The following HECTD4 variants were observed in gnomAD, a reference collection of about 807,000 sequenced individuals.
HECTD4 encodes the protein probable E3 ubiquitin-protein ligase HECTD4.
A neutral mutation model predicts 471.5 loss-of-function variants in HECTD4; 114 were observed. The ratio of observed to expected loss-of-function variants is 0.24; its 90% CI spans 0.21 to 0.28. HECTD4 has a LOEUF of 0.28. Ranked by LOEUF, HECTD4 falls within the 10% of genes least tolerant of loss-of-function variation. The pLI, the probability that HECTD4 is intolerant of heterozygous loss-of-function variation, is 1.00. For synonymous variants in HECTD4, 2,012 were observed against 2,256.0 expected (o/e 0.89, Z 3.07); for missense variants, 3,866 against 5,651.5 (o/e 0.68, Z 10.13).
rs1566067527 is a variant in HECTD4 at position 112,193,297 on chromosome 12, C to A, written c.8956-106G>T. 6.9e-7 allele frequency: 1 copy of A among 1,443,110 alleles called. No individual in the cohort carries two copies. The highest frequency in any genetic ancestry group is 9.5e-7 in the Non-Finnish European group (1 of 1,058,108). 89.4% of individuals were successfully genotyped at this position (1,443,110 alleles called of 1,614,324 possible). A position where few individuals can be genotyped will look rare whatever the true frequency, so the allele number is the denominator to read the frequency against. The stretch of plus-strand genomic sequence containing the variant: ...GAAATCAGCCAAACGACTAAATAGC[C>A]CTCTGGAAGGAAGCAAGCTACAGAT... On this transcript the variant is annotated intron_variant, in intron 57 of 75. Coordinates refer to ENST00000682272, the MANE Select transcript of HECTD4 (RefSeq NM_001388303.1). The surrounding 1 kb of genome is among the most constrained non-coding windows in gnomAD (Gnocchi z 5.2).
chr12:112,313,094 T>C lies in HECTD4; in HGVS notation c.839A>G (p.Lys280Arg), dbSNP rs762957801. 2 of 1,535,712 alleles carry C rather than the reference T, an allele frequency of 1.3e-6. No individual in the cohort carries two copies. Among genetic ancestry groups the C allele is most frequent in the South Asian group, 1.2e-5 (1 of 84,030 alleles). ...TTCATAACCCCATGATACTATGTGT[T>C]TGCCCCCAAGCAAACAGGAGGGAGA... ...PGSPSCLLGG[K>R]HIVSWGYEDM... Residue 280 changes from lysine to arginine, a missense_variant, in exon 4 of 76, where the codon AAA (lysine) becomes AGA (arginine). By Grantham distance (26) the Lys-to-Arg change is conservative. Around this residue, in one of 16 missense-constraint regions of HECTD4, gnomAD observed 440 missense variants for 636.0 expected, o/e 0.69. Transcript: ENST00000682272.
In HECTD4 at chr12:112,185,248, C is replaced by T. The variant is rs549597278; in HGVS notation, c.9718G>A (p.Gly3240Arg). The change falls in exon 61 of 76, where the codon GGG becomes AGG. Residue 3240 changes from glycine (G) to arginine (R), a missense_variant. By Grantham distance (125) the Gly-to-Arg change is moderately radical. Around this residue, in one of 16 missense-constraint regions of HECTD4, gnomAD observed 364 missense variants for 413.2 expected, o/e 0.88. Coordinates refer to ENST00000682272, the MANE Select transcript of HECTD4 (RefSeq NM_001388303.1). ...WVSGGACGGS[G>R]GAAAGDQGRF... ...CCCTGGTCACCGGCCGCCGCCCCCCCGGAGCCCCCGCAGGCGCCGCCTGAG... is the reference window on the plus strand; with the variant it reads ...CCCTGGTCACCGGCCGCCGCCCCCCTGGAGCCCCCGCAGGCGCCGCCTGAG... 4.5e-6 allele frequency: 7 copies of T among 1,550,148 alleles called. No individual in the cohort carries two copies. Among genetic ancestry groups the T allele is most frequent in the South Asian group, 2.4e-5 (2 of 84,022 alleles).
intron 11 of HECTD4, 70 bp from the exon 12 acceptor site, chr12:112,270,529 G>A (rs1938408094): frequency 7.9e-7 from 1 of 1,263,218 alleles, no homozygotes; most frequent in Admixed American, 1.8e-5. Context: ...ATAGACCTTT[G>A]ACTTACAAAA....
intron 43 of HECTD4, among the ~76,000 whole-genome samples, chr12:112,227,557 G>A (rs1358335845): frequency 6.6e-6 from 1 of 152,218 alleles, no homozygotes; most frequent in African/African-American, 2.4e-5. Context: ...ACCAACCCCT[G>A]TGTGCATGTC....
At position 112,239,362 on chromosome 12, in the gene HECTD4, C is replaced by T; in HGVS notation, c.5106-126G>A. The T allele has an allele frequency of 1.5e-6, 1 of 681,152 alleles. No homozygotes were observed. The allele number at this position is 681,152 out of a possible 1,614,324, so 42.2% of individuals were successfully genotyped here. A position where few individuals can be genotyped will look rare whatever the true frequency, so the allele number is the denominator to read the frequency against. On this transcript the variant is annotated intron_variant, in intron 33 of 75. Transcript: ENST00000682272. The surrounding 1 kb of genome is among the most constrained non-coding windows in gnomAD (Gnocchi z 4.9). ...TCTTTCCCTACAACTTAGGATACTG[C>T]CATGTGCAATCAAACACAAAATGAT...
At position 112,235,183 on chromosome 12, in the gene HECTD4, C is replaced by T; in HGVS notation, c.5809G>A (p.Asp1937Asn). 1 of 1,613,990 alleles carries T rather than the reference C, an allele frequency of 6.2e-7. No individual in the cohort carries two copies. Among genetic ancestry groups the T allele is most frequent in the Non-Finnish European group, 8.5e-7 (1 of 1,179,886 alleles). Residue 1937 changes from aspartate (D) to asparagine (N), a missense_variant, in exon 37 of 76, where the codon GAT becomes AAT. By Grantham distance (23) the Asp-to-Asn change is conservative. Around this residue, in one of 16 missense-constraint regions of HECTD4, gnomAD observed 617 missense variants for 915.1 expected, o/e 0.67. Transcript: ENST00000682272. The surrounding 1 kb of genome is among the most constrained non-coding windows in gnomAD (Gnocchi z 5.0). ...KTSPKNSLKG[D>N]KDPGEESEAV... ...TCACTCTCTTCTCCAGGATCTTTAT[C>T]TCCTTTCAAGGAATTCTTGGGACTG...
intron 1 of HECTD4, among the ~76,000 whole-genome samples, chr12:112,371,470 G>C (rs1029435880): frequency 6.6e-6 from 1 of 151,942 alleles, no homozygotes; most frequent in Non-Finnish European, 1.5e-5. Context: ...AGCTACTTGG[G>C]AGGCCGAGGC....
chr12:112,312,616 A>G (rs73207648), intron 4 of HECTD4, among the ~76,000 whole-genome samples: 4,235 of 152,302 alleles, frequency 0.028, 80 homozygotes, highest in Non-Finnish European at 0.045. Context: ...TGCTTTTAGG[A>G]CAGGAGGGCT....
rs765730773 is a variant in HECTD4 at position 112,236,986 on chromosome 12, G to A, written c.5403C>T (p.Asp1801=). The change falls in exon 35 of 76, where the codon GAC becomes GAT. Residue 1801 remains aspartate (D), a synonymous_variant. Transcript: ENST00000682272. ...GAAGACTAAGGACATCCTGGAGCGC[G>A]TCATTCCCAGCAGCCTGGTTGCCAC... ...ECCGNQAAGN[D]ALQDVLSLLN... 3.7e-5 allele frequency: 60 copies of A among 1,612,734 alleles called. No homozygotes were observed. The highest frequency in any genetic ancestry group is 8.9e-5 in the East Asian group (4 of 44,852).
At chr12:112,201,678 T>C (rs1233934437) in intron 54 of HECTD4, among the ~76,000 whole-genome samples, 2 of 152,102 alleles carry the variant, frequency 1.3e-5, no homozygotes, top group Non-Finnish European at 2.9e-5. Flanking sequence ...AGATGGAAAA[T>C]TTTTATTGAT....
intron 40 of HECTD4, among the ~76,000 whole-genome samples, chr12:112,230,439 A>G (rs960456406): frequency 2.6e-5 from 4 of 152,096 alleles, no homozygotes; most frequent in Non-Finnish European, 5.9e-5. Flanking sequence ...AAGAGAAACA[A>G]GGCCTGTCAC....
At chr12:112,360,905 ACCCAGG>A (rs1340631810) in intron 1 of HECTD4, among the ~76,000 whole-genome samples, 1 of 150,920 alleles carries the variant, frequency 6.6e-6, no homozygotes, top group Non-Finnish European at 1.5e-5. Flanking sequence ...AATCGCTTGA[ACCCAGG>A]AGGCACAGGT....
rs370482059 is a variant in HECTD4 at position 112,184,523 on chromosome 12, C to T, written c.10443G>A (p.Met3481Ile). 6 of 1,612,082 alleles carry T rather than the reference C, an allele frequency of 3.7e-6. No homozygotes were observed. Among genetic ancestry groups the T allele is most frequent in the East Asian group, 2.2e-5 (1 of 44,868 alleles). The part of the protein sequence containing the change: ...VSTSSSLTPA[M>I]SISASASTSQ... ...TGGTGGAGGCGGAGGCGCTGATGCTCATGGCGGGGGTCAGGCTGCTGGACG... is the reference window on the plus strand; with the variant it reads ...TGGTGGAGGCGGAGGCGCTGATGCTTATGGCGGGGGTCAGGCTGCTGGACG... Residue 3481 changes from methionine (M) to isoleucine (I), a missense_variant, in exon 61 of 76, where the codon ATG (methionine) becomes ATA (isoleucine). Physicochemically the swap from Met to Ile is conservative, Grantham distance 10. This residue lies in a region of HECTD4 where 192 missense variants were observed against 189.9 expected (regional missense o/e 1.01). Coordinates refer to ENST00000682272, the MANE Select transcript of HECTD4 (RefSeq NM_001388303.1). The surrounding 1 kb of genome is among the most constrained non-coding windows in gnomAD (Gnocchi z 9.1).
In HECTD4 at chr12:112,319,095, A is replaced by G; in HGVS notation, c.695+130T>C. ...ATGCACTGTCAAGGCTGTGAAATTC[A>G]ATACTGAAAGCAAAGAAGGACTTCT... On this transcript the variant is annotated intron_variant, in intron 2 of 75. Coordinates refer to ENST00000682272, the MANE Select transcript of HECTD4 (RefSeq NM_001388303.1). The surrounding 1 kb of genome is among the most constrained non-coding windows in gnomAD (Gnocchi z 5.3). 9.9e-7 allele frequency: 1 copy of G among 1,005,268 alleles called. No homozygotes were observed. The highest frequency in any genetic ancestry group is 1.4e-6 in the Non-Finnish European group (1 of 703,446). The allele number at this position is 1,005,268 out of a possible 1,614,324, so 62.3% of individuals were successfully genotyped here. A position where few individuals can be genotyped will look rare whatever the true frequency, so the allele number is the denominator to read the frequency against.
At chr12:112,174,027 G>C (rs1285213041) in intron 66 of HECTD4, among the ~76,000 whole-genome samples, 1 of 149,932 alleles carries the variant, frequency 6.7e-6, no homozygotes, top group African/African-American at 2.5e-5. Context: ...GCCCAGGCTA[G>C]AGTGCAATGG....
At chr12:112,365,124 T>A (rs1176345997) in intron 1 of HECTD4, among the ~76,000 whole-genome samples, 1 of 152,242 alleles carries the variant, frequency 6.6e-6, no homozygotes, top group Non-Finnish European at 1.5e-5. Flanking sequence ...ATATGTAATT[T>A]AATATTTTCC....
At position 112,186,728 on chromosome 12, in the gene HECTD4, C is replaced by G. The variant is rs576328149; in HGVS notation, c.9473-1235G>C. On this transcript the variant is annotated intron_variant, in intron 60 of 75. Transcript: ENST00000682272. ...TATCACCCAGGCTGGAGTGCAGTGG[C>G]GCGATCTCAGCTCACTGCAACCTCC... 1.5e-4 allele frequency among the ~76,000 whole-genome samples: 22 copies of G among 150,322 alleles called. No homozygotes were observed. The Admixed American group carries it at 1.5e-3, about 10-fold the overall frequency.
intron 1 of HECTD4, among the ~76,000 whole-genome samples, chr12:112,347,350 A>T (rs928877204): frequency 1.3e-5 from 2 of 152,024 alleles, no homozygotes; most frequent in East Asian, 3.9e-4. Flanking sequence ...TCTCTACAAA[A>T]ATACAAAAAT....
At chr12:112,180,753 C>A (rs1022511600) in intron 62 of HECTD4, among the ~76,000 whole-genome samples, 10 of 152,174 alleles carry the variant, frequency 6.6e-5, no homozygotes, top group African/African-American at 2.4e-4. Context: ...TCCTGTTAAG[C>A]AGACCTGACA....
Sources: allele counts gnomAD v4.1 joint callset (sites outside exome capture counted in the v4.1 genomes callset), GRCh38; gene constraint gnomAD v4.1.1; regional missense constraint gnomAD v4.1.1; non-coding constraint Gnocchi (gnomAD v3.1); transcripts MANE v1.5; gene names NCBI Gene and HGNC (gene_info 2026-07-23, HGNC 2026-07-21).